The following PIK3C2G variants were observed in gnomAD, a reference collection of about 807,000 sequenced individuals.
The protein encoded by PIK3C2G is phosphatidylinositol 3-kinase C2 domain-containing subunit gamma.
In PIK3C2G, 168 loss-of-function variants were observed where a neutral mutation model predicts 181.1. That is an observed-to-expected ratio of 0.93 (90% confidence interval 0.82 to 1.05). The LOEUF (loss-of-function observed/expected upper bound fraction) is 1.05, where lower values mean the gene tolerates loss of function less well. Among genes scored for constraint, PIK3C2G ranks in the 50% least tolerant of loss-of-function variants. PIK3C2G has a pLI of 0.00. For synonymous variants in PIK3C2G, 573 were observed against 592.2 expected, an observed-to-expected ratio of 0.97 and a Z score of 0.47; for missense variants, 1,869 against 1,732.8, an observed-to-expected ratio of 1.08 and a Z score of -1.40.
At chr12:18,640,344 C>A in intron 31 of PIK3C2G, 85 bp from the exon 32 acceptor site, 2 of 1,118,864 alleles carry the variant, frequency 1.8e-6, no homozygotes, top group Non-Finnish European at 2.5e-6. Context: ...CCTGATCCTG[C>A]CTTTGGTCTG....
chr12:18,249,551 C>T (rs10770333), intron 1 of PIK3C2G, among the ~76,000 whole-genome samples: 64,066 of 151,834 alleles, frequency 0.42, 14,145 homozygotes, highest in East Asian at 0.75. Context: ...AGCAAAGTAT[C>T]GTATAAACAG....
intron 31 of PIK3C2G, among the ~76,000 whole-genome samples, chr12:18,621,289 A>T (rs1948851951): frequency 1.3e-5 from 2 of 152,000 alleles, no homozygotes; most frequent in South Asian, 4.1e-4. Flanking sequence ...GGTATTTAGT[A>T]CATTCTAAAA....
intron 14 of PIK3C2G, among the ~76,000 whole-genome samples, chr12:18,389,302 G>A (rs1256812963): frequency 6.7e-6 from 1 of 150,006 alleles, no homozygotes; most frequent in Non-Finnish European, 1.5e-5. Flanking sequence ...GCAGTGAGCC[G>A]AAATGGTGCC....
the PIK3C2G span, among the ~76,000 whole-genome samples, chr12:18,692,487 A>G: frequency 6.6e-6 from 1 of 152,200 alleles, no homozygotes; most frequent in East Asian, 1.9e-4. Flanking sequence ...AACAAATCTT[A>G]GACAACTGCT....
chr12:18,634,327 C>T (rs890128301), intron 31 of PIK3C2G, among the ~76,000 whole-genome samples: 1 of 152,154 alleles, frequency 6.6e-6, no homozygotes, highest in Non-Finnish European at 1.5e-5. Flanking sequence ...TCTCCTACAA[C>T]CAAGAAAGAG....
chr12:18,436,747 C>T (rs1210212137), intron 18 of PIK3C2G, among the ~76,000 whole-genome samples: 1 of 151,950 alleles, frequency 6.6e-6, no homozygotes. Context: ...GACTCTCTAG[C>T]TCTCTGGAAT....
At chr12:18,350,533 G>A (rs756525641) in intron 11 of PIK3C2G, among the ~76,000 whole-genome samples, 5 of 152,064 alleles carry the variant, frequency 3.3e-5, no homozygotes, top group African/African-American at 7.2e-5. Flanking sequence ...GGGAAGATTC[G>A]AATGGCATAT....
rs552023458 is a variant in PIK3C2G, at chr12:18,337,822, T to C, written c.1273-604T>C. On this transcript the variant is annotated intron_variant, in intron 8 of 32. Coordinates refer to ENST00000538779, the MANE Select transcript of PIK3C2G (RefSeq NM_001288772.2). ...AGGACAAACATCCAAACTATATCAG[T>C]AGATTATATTTGTCATCAGCGATTT... 1.1e-4 allele frequency among the ~76,000 whole-genome samples: 16 copies of C among 152,252 alleles called. No homozygotes were observed. The South Asian group carries it at 3.3e-3, about 32-fold the overall frequency.
chr12:18,519,791 G>C (rs1942791261), intron 24 of PIK3C2G, among the ~76,000 whole-genome samples: 1 of 151,918 alleles, frequency 6.6e-6, no homozygotes, highest in Non-Finnish European at 1.5e-5. Context: ...CACACTAGTT[G>C]CTGCAGTTTC....
chr12:18,483,328 C>A (rs1939737290), intron 18 of PIK3C2G, among the ~76,000 whole-genome samples: 1 of 152,144 alleles, frequency 6.6e-6, no homozygotes, highest in Non-Finnish European at 1.5e-5. Flanking sequence ...ACTCAGAGAG[C>A]ATCTCCTATC....
At position 18,647,860 on chromosome 12, in the gene PIK3C2G, T is replaced by C; in HGVS notation, c.4309-16T>C. ...GCATTTCTGATTTATATTTTCATTA[T>C]TTTCTCCGTTTTTAGGTAGTATATG... On this transcript the variant is annotated splice_polypyrimidine_tract_variant and intron_variant, in intron 32 of 32. Coordinates refer to ENST00000538779, the MANE Select transcript of PIK3C2G (RefSeq NM_001288772.2). 1 of 1,436,734 alleles carries C rather than the reference T, an allele frequency of 7.0e-7. No individual in the cohort carries two copies. The highest frequency in any genetic ancestry group is 9.3e-7 in the Non-Finnish European group (1 of 1,074,744). 89.0% of individuals were successfully genotyped at this position (1,436,734 alleles called of 1,614,324 possible).
the PIK3C2G span, among the ~76,000 whole-genome samples, chr12:18,660,652 T>C: frequency 6.6e-6 from 1 of 152,118 alleles, no homozygotes; most frequent in Non-Finnish European, 1.5e-5. Flanking sequence ...GAGAAGCCTA[T>C]ATCAATTAAA....
At chr12:18,256,498 A>C (rs1176461783) in intron 1 of PIK3C2G, among the ~76,000 whole-genome samples, 1 of 152,110 alleles carries the variant, frequency 6.6e-6, no homozygotes, top group Admixed American at 6.6e-5. Flanking sequence ...TAACCTTCGA[A>C]ACTATAAAGA....
chr12:18,688,595 G>T, the PIK3C2G span, among the ~76,000 whole-genome samples: 12,867 of 151,324 alleles, frequency 0.085, 633 homozygotes, highest in African/African-American at 0.13. Flanking sequence ...TAAAGCAATA[G>T]AAATATTACT....
At chr12:18,503,741 C>T (rs540615636) in intron 23 of PIK3C2G, among the ~76,000 whole-genome samples, 1 of 152,216 alleles carries the variant, frequency 6.6e-6, no homozygotes, top group African/African-American at 2.4e-5. Flanking sequence ...CTATAAATAT[C>T]CCTTCTTTTC....
intron 18 of PIK3C2G, among the ~76,000 whole-genome samples, chr12:18,460,847 A>G (rs12422451): frequency 0.55 from 83,792 of 151,654 alleles, 23,710 homozygotes; most frequent in Middle Eastern, 0.72. Flanking sequence ...GTAAAATCCC[A>G]GATCTCTCAC....
At chr12:18,284,889 A>G (rs1266521501) in intron 2 of PIK3C2G, among the ~76,000 whole-genome samples, 1 of 152,208 alleles carries the variant, frequency 6.6e-6, no homozygotes, top group African/African-American at 2.4e-5. Context: ...TTATGAGACA[A>G]GAAACATAAT....
At chr12:18,366,156 T>G (rs1001920619) in intron 12 of PIK3C2G, among the ~76,000 whole-genome samples, 1 of 152,172 alleles carries the variant, frequency 6.6e-6, no homozygotes, top group African/African-American at 2.4e-5. Context: ...CTGAACTAGC[T>G]CCCCATTTCA....
chr12:18,632,057 C>T (rs544659699), intron 31 of PIK3C2G, among the ~76,000 whole-genome samples: 2 of 152,132 alleles, frequency 1.3e-5, no homozygotes, highest in Non-Finnish European at 1.5e-5. Context: ...ATGGTACTGG[C>T]ATCTAGTAGG....
Sources: allele counts gnomAD v4.1 joint callset (sites outside exome capture counted in the v4.1 genomes callset), GRCh38; gene constraint gnomAD v4.1.1; transcripts MANE v1.5; gene names NCBI Gene and HGNC (gene_info 2026-07-23, HGNC 2026-07-21).